The following ASIP variants were observed in gnomAD, a reference collection of about 807,000 sequenced individuals.
ASIP encodes agouti-signaling protein.
In ASIP, 11 loss-of-function variants were observed where a neutral mutation model predicts 10.3. That is an observed-to-expected ratio of 1.07 (90% CI 0.68 to 1.78). The LOEUF (loss-of-function observed/expected upper bound fraction) is 1.78, where lower values mean the gene tolerates loss of function less well. ASIP is among the 40% of genes most tolerant of loss of function. The pLI is 0.00. For synonymous variants in ASIP, 70 were observed against 70.8 expected (o/e 0.99, Z 0.06); for missense variants, 180 against 169.2 (o/e 1.06, Z -0.35).
chr20:34,220,097 A>C (rs1052790630), intron 1 of ASIP, among the ~76,000 whole-genome samples: 2 of 151,840 alleles, frequency 1.3e-5, no homozygotes, highest in Non-Finnish European at 2.9e-5. Context: ...CTTAAAAAAA[A>C]AAAATGAACT....
At position 34,215,908 on chromosome 20, in the gene ASIP, T is replaced by TG; in HGVS notation, c.-11+21150dup. ...GTTTATCCATCCTTGCTGCTATACTTGGAGTTTTCTGGTTATAATAGGCTT... is the reference window on the plus strand; with the variant it reads ...GTTTATCCATCCTTGCTGCTATACTTGGGAGTTTTCTGGTTATAATAGGCTT... On this transcript the variant is annotated intron_variant, in intron 1 of 3. Coordinates refer to the ASIP transcript ENST00000568305. The TG allele has an allele frequency of 9.2e-6, 8 of 870,608 alleles. No individual in the cohort carries two copies. In the South Asian group the frequency reaches 1.0e-4, roughly 11 times the overall value. 53.9% of individuals were successfully genotyped at this position (870,608 alleles called of 1,614,324 possible).
In ASIP at chr20:34,258,674, C is replaced by CATATAT. The variant is rs772655085; in HGVS notation, c.-10-1679_-10-1674dup. Among the ~76,000 whole-genome samples the CATATAT allele has an allele frequency of 9.1e-4, 11 of 12,154 alleles. 2 individuals are homozygous for CATATAT. The highest frequency in any genetic ancestry group is 1.1e-3 in the Non-Finnish European group (9 of 8,226). 8.0% of individuals were successfully genotyped at this position (12,154 alleles called of 152,430 possible). On this transcript the variant is annotated intron_variant, in intron 1 of 3. Transcript: ENST00000374954. Reference sequence around the variant, plus strand: ...AGTTAATATCTTAGAAGGGGGATGCCATATATATATATATATACATACTAT... The same window carrying CATATAT: ...AGTTAATATCTTAGAAGGGGGATGCCATATATATATATATATATATATACATACTAT...
chr20:34,259,382 G>A (rs1434308178), intron 1 of ASIP, among the ~76,000 whole-genome samples: 1 of 151,566 alleles, frequency 6.6e-6, no homozygotes, highest in Non-Finnish European at 1.5e-5. Flanking sequence ...GTGTGGTGGT[G>A]GGCACCTGTA....
At chr20:34,223,233 G>T (rs1318071859) in intron 1 of ASIP, among the ~76,000 whole-genome samples, 1 of 151,496 alleles carries the variant, frequency 6.6e-6, no homozygotes, top group South Asian at 2.1e-4. Flanking sequence ...GAGCGTCTCT[G>T]CCCGGCCGCC....
chr20:34,213,000 C>G (rs969156322), intron 1 of ASIP, among the ~76,000 whole-genome samples: 8 of 152,196 alleles, frequency 5.3e-5, no homozygotes, highest in South Asian at 2.1e-4. Flanking sequence ...AAGCAAGAAG[C>G]CTCCTAGAAT....
intron 1 of ASIP, among the ~76,000 whole-genome samples, chr20:34,208,197 T>C (rs1601571911): frequency 6.6e-6 from 1 of 152,346 alleles, no homozygotes; most frequent in East Asian, 1.9e-4. Flanking sequence ...TGGGTTACTA[T>C]AGCTTTGTAG....
At chr20:34,258,700 A>ATATATATATATATATACACACACAC (rs1555826880) in intron 1 of ASIP, among the ~76,000 whole-genome samples, 1 of 77,918 alleles carries the variant, frequency 1.3e-5, no homozygotes, top group Non-Finnish European at 2.4e-5. Flanking sequence ...TACATACTAT[A>ATATATATATATATATACACACACAC]TATATATATT....
chr20:34,211,106 T>C (rs1352359767), intron 1 of ASIP, among the ~76,000 whole-genome samples: 3 of 152,332 alleles, frequency 2.0e-5, no homozygotes, highest in Admixed American at 6.5e-5. Flanking sequence ...TATAGCTCAC[T>C]GCAACCTTGA....
At chr20:34,241,783 A>G (rs1208085965) in intron 1 of ASIP, among the ~76,000 whole-genome samples, 1 of 152,170 alleles carries the variant, frequency 6.6e-6, no homozygotes, top group East Asian at 1.9e-4. Context: ...CTAAATATCG[A>G]CCCTGACCCC....
chr20:34,199,475 G>A (rs570683099), intron 1 of ASIP, among the ~76,000 whole-genome samples: 7 of 152,260 alleles, frequency 4.6e-5, no homozygotes, highest in African/African-American at 1.7e-4. Context: ...CTCATCAGTG[G>A]TTGGTATTGT....
chr20:34,209,001 G>A (rs1312152716), intron 1 of ASIP, among the ~76,000 whole-genome samples: 1 of 152,162 alleles, frequency 6.6e-6, no homozygotes, highest in Non-Finnish European at 1.5e-5. Flanking sequence ...GTTCCAATAG[G>A]GTTTTGGTGG....
chr20:34,190,652 G>A (rs1196739100), upstream of ASIP, among the ~76,000 whole-genome samples: 4 of 152,182 alleles, frequency 2.6e-5, no homozygotes, highest in Non-Finnish European at 4.4e-5. Context: ...CTCTTCCTTC[G>A]GAATTCTGTA....
Position 34,235,981 on chromosome 20 carries a change from A to C in ASIP, c.-10-24384A>C, listed in dbSNP as rs117958102. On this transcript the variant is annotated intron_variant, in intron 1 of 3. Transcript: ENST00000568305. ...GGAAGGAAGGAGGGAGGGAGGGAAG[A>C]AGGAAAGAAGGAAGGAAGGAGAAAG... is the stretch of plus-strand genomic sequence containing the variant. 1.4e-3 allele frequency among the ~76,000 whole-genome samples: 135 copies of C among 99,444 alleles called. 16 individuals are homozygous for C. Among genetic ancestry groups the C allele is most frequent in the African/African-American group, 0.011 (112 of 10,342 alleles). The allele number at this position is 99,444 out of a possible 152,430, so 65.2% of individuals were successfully genotyped here.
intron 1 of ASIP, among the ~76,000 whole-genome samples, chr20:34,259,287 C>T (rs887499977): frequency 6.6e-6 from 1 of 151,352 alleles, no homozygotes; most frequent in South Asian, 2.1e-4. Context: ...CAGTGGCTGG[C>T]GGATCACTTG....
intron 1 of ASIP, among the ~76,000 whole-genome samples, chr20:34,232,708 T>G (rs1172712002): frequency 6.6e-6 from 1 of 152,238 alleles, no homozygotes; most frequent in African/African-American, 2.4e-5. Context: ...TAAAACATAG[T>G]TGTGCCAGTC....
chr20:34,250,882 C>T (rs1449123038), intron 1 of ASIP, among the ~76,000 whole-genome samples: 1 of 152,102 alleles, frequency 6.6e-6, no homozygotes, highest in Non-Finnish European at 1.5e-5. Context: ...ACAATACTCT[C>T]CCCAGTGCTG....
At chr20:34,249,826 GA>G (rs2035444937) in intron 1 of ASIP, among the ~76,000 whole-genome samples, 1 of 152,122 alleles carries the variant, frequency 6.6e-6, no homozygotes, top group South Asian at 2.1e-4. Context: ...ACCCATTATG[GA>G]CCCAGAGAAA....
chr20:34,242,950 C>T (rs952607418), intron 1 of ASIP, among the ~76,000 whole-genome samples: 2 of 152,196 alleles, frequency 1.3e-5, no homozygotes, highest in African/African-American at 2.4e-5. Context: ...ATAAACAAAA[C>T]CAATATAGTA....
chr20:34,198,800 T>A (rs1384279280), intron 1 of ASIP, among the ~76,000 whole-genome samples: 1 of 152,200 alleles, frequency 6.6e-6, no homozygotes, highest in Non-Finnish European at 1.5e-5. Flanking sequence ...TGTAAGTTTT[T>A]ATTGATTTAA....
Sources: allele counts gnomAD v4.1 joint callset (sites outside exome capture counted in the v4.1 genomes callset), GRCh38; gene constraint gnomAD v4.1.1; transcripts MANE v1.5; gene names NCBI Gene and HGNC (gene_info 2026-07-23, HGNC 2026-07-21).